SEC22A: variants seen among roughly 807,000 people sequenced by gnomAD.
The protein encoded by SEC22A is vesicle-trafficking protein SEC22a.
In SEC22A, 22 loss-of-function variants were observed where a neutral mutation model predicts 35.3. The observed-to-expected ratio is 0.62, with a 90% CI of 0.45 to 0.89. SEC22A has a LOEUF of 0.89. Among genes scored for constraint, SEC22A ranks in the 40% least tolerant of loss-of-function variants. The pLI is 0.00. For synonymous variants in SEC22A, 119 were observed against 129.5 expected (o/e 0.92, Z 0.55); for missense variants, 354 against 362.5 (o/e 0.98, Z 0.19).
chr3:123,208,854 AC>A, intron 1 of SEC22A: 1 of 230,454 alleles, frequency 4.3e-6, no homozygotes, highest in Non-Finnish European at 8.7e-6. Flanking sequence ...GAGCTCAGTG[AC>A]GCGATTTCGG....
intron 1 of SEC22A, among the ~76,000 whole-genome samples, chr3:123,207,168 A>T (rs1163094193): frequency 6.6e-6 from 1 of 152,154 alleles, no homozygotes; most frequent in African/African-American, 2.4e-5. Flanking sequence ...GGAAAAAGGG[A>T]TAGTGAACTT....
intron 4 of SEC22A, among the ~76,000 whole-genome samples, chr3:123,233,096 C>G (rs1316664336): frequency 6.6e-6 from 1 of 152,114 alleles, no homozygotes; most frequent in Non-Finnish European, 1.5e-5. Context: ...CACCACTGCA[C>G]TCCAGCCTGG....
At chr3:123,246,965 G>A (rs932467849) in intron 5 of SEC22A, among the ~76,000 whole-genome samples, 1 of 152,202 alleles carries the variant, frequency 6.6e-6, no homozygotes, top group East Asian at 1.9e-4. Context: ...AGAGCTGTTC[G>A]TAAAGGAGAT....
chr3:123,265,572 A>T (rs907042667), intron 6 of SEC22A, among the ~76,000 whole-genome samples: 12 of 149,768 alleles, frequency 8.0e-5, no homozygotes, highest in African/African-American at 2.7e-4. Flanking sequence ...AGTTCAGTTT[A>T]TCAATTTTTC....
chr3:123,216,196 C>G (rs1937019922), intron 2 of SEC22A, among the ~76,000 whole-genome samples: 1 of 152,090 alleles, frequency 6.6e-6, no homozygotes, highest in South Asian at 2.1e-4. Flanking sequence ...AAAATGAGAT[C>G]TAGATGCAAT....
At chr3:123,243,641 C>A (rs1026569291) in intron 4 of SEC22A, among the ~76,000 whole-genome samples, 9 of 152,110 alleles carry the variant, frequency 5.9e-5, no homozygotes, top group Non-Finnish European at 1.0e-4. Context: ...TTATAAAAGA[C>A]TAGAAGTGCC....
At chr3:123,239,033 A>C (rs919919384) in intron 4 of SEC22A, among the ~76,000 whole-genome samples, 1 of 151,962 alleles carries the variant, frequency 6.6e-6, no homozygotes, top group Non-Finnish European at 1.5e-5. Flanking sequence ...TCATCCACTC[A>C]CTAATTTATT....
At chr3:123,244,993 A>G (rs1937555062) in intron 4 of SEC22A, among the ~76,000 whole-genome samples, 1 of 152,186 alleles carries the variant, frequency 6.6e-6, no homozygotes, top group African/African-American at 2.4e-5. Context: ...TGAAACTAAA[A>G]TGGTCACTTA....
intron 6 of SEC22A, among the ~76,000 whole-genome samples, chr3:123,260,981 T>G (rs62262616): frequency 0.2 from 29,993 of 151,720 alleles, 3,025 homozygotes; most frequent in Middle Eastern, 0.27. Context: ...GAATACAGGC[T>G]CCTGCCACCA....
intron 2 of SEC22A, among the ~76,000 whole-genome samples, chr3:123,217,414 C>T (rs559613988): frequency 3.3e-5 from 5 of 151,484 alleles, no homozygotes; most frequent in African/African-American, 9.7e-5. Context: ...GGGGTTTCAC[C>T]GTGTTAGCCA....
intron 1 of SEC22A, among the ~76,000 whole-genome samples, chr3:123,202,732 C>T (rs995498760): frequency 6.6e-6 from 1 of 152,182 alleles, no homozygotes; most frequent in Non-Finnish European, 1.5e-5. Flanking sequence ...AGGGGGCGAG[C>T]TTGAGAACCA....
Position 123,273,547 on chromosome 3 carries a change from C to G in SEC22A, c.*1825C>G, listed in dbSNP as rs1489778008. On this transcript the variant is annotated 3_prime_UTR_variant, in exon 7 of 7. Transcript: ENST00000492595. ...TCAGGCCAGGCACGGTGACTCAGGC[C>G]TGTAATCCCAGCACTTTGGGAGGCC... 6.6e-6 allele frequency: 1 copy of G among 152,266 alleles called. No homozygotes were observed. Among genetic ancestry groups the G allele is most frequent in the Non-Finnish European group, 1.5e-5 (1 of 68,084 alleles). The allele number at this position is 152,266 out of a possible 1,614,324, so 9.4% of individuals were successfully genotyped here.
rs1022444176 is a variant in SEC22A at position 123,272,888 on chromosome 3, A to G, written c.*1166A>G. On this transcript the variant is annotated 3_prime_UTR_variant, in exon 7 of 7. Transcript: ENST00000492595. ...AAGGTGGCTTTCCTAGCAACTCATT[A>G]TTTTATGGCTTTGAGGAATTAAGCC... 4 of 153,774 alleles carry G rather than the reference A, an allele frequency of 2.6e-5. No homozygotes were observed. The highest frequency in any genetic ancestry group is 9.7e-5 in the African/African-American group (4 of 41,448). 9.5% of individuals were successfully genotyped at this position (153,774 alleles called of 1,614,324 possible). A position where few individuals can be genotyped will look rare whatever the true frequency, so the allele number is the denominator to read the frequency against.
chr3:123,215,024 T>C (rs1211876064), intron 2 of SEC22A, among the ~76,000 whole-genome samples: 1 of 152,198 alleles, frequency 6.6e-6, no homozygotes, highest in African/African-American at 2.4e-5. Context: ...TTTCACTCTT[T>C]CGGGAAATTT....
At chr3:123,245,751 C>T (rs1484996324) in intron 4 of SEC22A, 148 bp from the exon 5 acceptor site, 2 of 523,720 alleles carry the variant, frequency 3.8e-6, no homozygotes, top group Middle Eastern at 5.2e-4. Context: ...CATTTTATAA[C>T]AGTATTTAAT....
chr3:123,229,960 A>G (rs1937289315), intron 4 of SEC22A, among the ~76,000 whole-genome samples: 1 of 152,108 alleles, frequency 6.6e-6, no homozygotes, highest in Admixed American at 6.5e-5. Context: ...AAAGCAAAGA[A>G]CAAGGGTAAA....
chr3:123,251,782 CTT>C (rs1176366712), intron 5 of SEC22A, among the ~76,000 whole-genome samples: 1 of 150,068 alleles, frequency 6.7e-6, no homozygotes, highest in Non-Finnish European at 1.5e-5. Context: ...TTATCGAGGA[CTT>C]TATATCTGCA....
At chr3:123,270,800 ACCCACTATCATT>A (rs1938142577) in intron 6 of SEC22A, among the ~76,000 whole-genome samples, 1 of 152,128 alleles carries the variant, frequency 6.6e-6, no homozygotes, top group African/African-American at 2.4e-5. Context: ...CTAAAATAGC[ACCCACTATCATT>A]CTTACTCCCT....
chr3:123,207,057 G>A (rs74988958), intron 1 of SEC22A, among the ~76,000 whole-genome samples: 2,261 of 152,250 alleles, frequency 0.015, 50 homozygotes, highest in African/African-American at 0.051. Flanking sequence ...CACTACACTC[G>A]TCTGGGTGAC....
Sources: allele counts gnomAD v4.1 joint callset (sites outside exome capture counted in the v4.1 genomes callset), GRCh38; gene constraint gnomAD v4.1.1; transcripts MANE v1.5; gene names NCBI Gene and HGNC (gene_info 2026-07-23, HGNC 2026-07-21).